Variants in THSD7B observed in about 807,000 individuals in gnomAD.
THSD7B encodes the protein thrombospondin type 1 domain containing 7B, also known as thrombospondin type-1 domain-containing protein 7B.
THSD7B carries 138 observed loss-of-function variants against 213.6 expected under a neutral mutation model. The ratio of observed to expected loss-of-function variants is 0.65; its 90% CI spans 0.56 to 0.74. The LOEUF is 0.74. Among genes scored for constraint, THSD7B ranks in the 30% least tolerant of loss-of-function variants. The probability of loss-of-function intolerance (pLI) is 0.00; values close to 1 mark genes in which losing one functional copy is unlikely to be tolerated. For synonymous variants in THSD7B, 742 were observed against 687.0 expected (o/e 1.08, Z -1.25); for missense variants, 1,931 against 1,991.5 (o/e 0.97, Z 0.58).
At chr2:137,342,825 G>A (rs1016149350) in intron 12 of THSD7B, among the ~76,000 whole-genome samples, 1 of 151,732 alleles carries the variant, frequency 6.6e-6, no homozygotes, top group Non-Finnish European at 1.5e-5. Flanking sequence ...TTAATGTAAT[G>A]TGTCATGTTT....
intron 3 of THSD7B, among the ~76,000 whole-genome samples, chr2:137,085,816 A>T (rs1422819735): frequency 1.3e-5 from 2 of 152,204 alleles, no homozygotes; most frequent in East Asian, 3.9e-4. Context: ...TGGCATAAAA[A>T]CCACAAACTA....
chr2:136,796,868 T>G (rs1319913104), intron 1 of THSD7B, among the ~76,000 whole-genome samples: 2 of 151,880 alleles, frequency 1.3e-5, no homozygotes, highest in African/African-American at 4.8e-5. Context: ...AACATAACTT[T>G]CTCTGCTTCT....
intron 7 of THSD7B, among the ~76,000 whole-genome samples, chr2:137,172,504 C>T (rs1274857204): frequency 6.6e-6 from 1 of 152,184 alleles, no homozygotes; most frequent in Non-Finnish European, 1.5e-5. Context: ...GGTGGCAGAT[C>T]CCAGCAAGGG....
intron 1 of THSD7B, among the ~76,000 whole-genome samples, chr2:136,789,131 T>G (rs537462739): frequency 6.6e-6 from 1 of 152,266 alleles, no homozygotes; most frequent in African/African-American, 2.4e-5. Context: ...TAAAGGGATA[T>G]TATTGCAAGG....
intron 2 of THSD7B, among the ~76,000 whole-genome samples, chr2:136,940,001 T>C (rs1684793829): frequency 1.3e-5 from 2 of 152,132 alleles, no homozygotes; most frequent in Admixed American, 1.3e-4. Flanking sequence ...AGCCAGGAAG[T>C]CCTTCCTTCT....
At position 136,915,725 on chromosome 2, in the gene THSD7B, G is replaced by A. The variant is rs1684338036; in HGVS notation, c.139+33408G>A. ...GGTTACACAGCAAGTAAGTGGCAGA[G>A]CCAAGGTGCCAAGGTTCAAACCCAC... On this transcript the variant is annotated intron_variant, in intron 2 of 27. Coordinates refer to ENST00000409968, the MANE Select transcript of THSD7B (RefSeq NM_001316349.2). Among the ~76,000 whole-genome samples, 4 of 152,208 alleles carry A rather than the reference G, an allele frequency of 2.6e-5. No homozygotes were observed. The South Asian group carries it at 6.2e-4, about 24-fold the overall frequency.
At chr2:137,626,813 T>C (rs1239622519) in intron 20 of THSD7B, among the ~76,000 whole-genome samples, 5 of 152,248 alleles carry the variant, frequency 3.3e-5, no homozygotes, top group African/African-American at 1.2e-4. Context: ...ATGGCCACAA[T>C]GCAACCAAGT....
At chr2:137,013,614 T>C (rs539626043) in intron 2 of THSD7B, among the ~76,000 whole-genome samples, 67 of 152,296 alleles carry the variant, frequency 4.4e-4, no homozygotes, top group Middle Eastern at 3.4e-3. Context: ...ATTCTACATA[T>C]AGCAAATGAA....
At chr2:137,013,828 A>T (rs1309329985) in intron 2 of THSD7B, among the ~76,000 whole-genome samples, 1 of 152,206 alleles carries the variant, frequency 6.6e-6, no homozygotes, top group South Asian at 2.1e-4. Flanking sequence ...CCTAGGAATT[A>T]GAAATTAAGA....
intron 15 of THSD7B, 55 bp downstream of exon 15, chr2:137,451,078 T>G: frequency 1.4e-6 from 2 of 1,432,062 alleles, no homozygotes; most frequent in Non-Finnish European, 1.8e-6. Context: ...TCATTATTAT[T>G]TCCCATTGAA....
At chr2:136,963,060 G>A (rs1453515951) in intron 2 of THSD7B, among the ~76,000 whole-genome samples, 1 of 152,142 alleles carries the variant, frequency 6.6e-6, no homozygotes, top group Non-Finnish European at 1.5e-5. Context: ...GCTGAAATAG[G>A]TCAAAATATT....
chr2:137,033,579 G>GT lies in THSD7B; in HGVS notation c.140-22834dup, dbSNP rs568208870. On this transcript the variant is annotated intron_variant, in intron 2 of 27. Coordinates refer to ENST00000409968, the MANE Select transcript of THSD7B (RefSeq NM_001316349.2). ...ATACAGGGAGGGTTGACTACTTGGA[G>GT]TTTTTTTCTTAGATATTATTTTTAT... Among the ~76,000 whole-genome samples the GT allele has an allele frequency of 6.5e-4, 98 of 151,776 alleles. 2 individuals are homozygous for GT. The highest frequency in any genetic ancestry group is 1.8e-3 in the African/African-American group (73 of 41,444).
chr2:136,889,929 G>C (rs1683785277), intron 2 of THSD7B, among the ~76,000 whole-genome samples: 1 of 152,130 alleles, frequency 6.6e-6, no homozygotes, highest in South Asian at 2.1e-4. Flanking sequence ...CTAAAATAGG[G>C]TGTACTGGAA....
chr2:137,331,773 C>A (rs547645401), intron 12 of THSD7B, among the ~76,000 whole-genome samples: 1 of 152,206 alleles, frequency 6.6e-6, no homozygotes, highest in Non-Finnish European at 1.5e-5. Context: ...AGCTAAGGCT[C>A]GGTGAGAAAT....
intron 12 of THSD7B, among the ~76,000 whole-genome samples, chr2:137,343,850 A>G (rs918684468): frequency 3.3e-5 from 5 of 151,940 alleles, no homozygotes; most frequent in Middle Eastern, 3.4e-3. Flanking sequence ...GCATAACTTC[A>G]TTCTTTTACA....
intron 12 of THSD7B, among the ~76,000 whole-genome samples, chr2:137,376,904 G>T (rs368584911): frequency 7.4e-4 from 112 of 152,236 alleles, no homozygotes; most frequent in Middle Eastern, 3.4e-3. Flanking sequence ...ATATCAGAAA[G>T]CATCTCATCG....
chr2:137,114,664 C>A (rs566535867), intron 4 of THSD7B, among the ~76,000 whole-genome samples: 37 of 152,296 alleles, frequency 2.4e-4, no homozygotes, highest in African/African-American at 8.9e-4. Flanking sequence ...TTGGAGATAG[C>A]TGTATGTAAA....
chr2:136,774,985 G>A (rs1045905491), intron 1 of THSD7B, among the ~76,000 whole-genome samples: 3 of 152,086 alleles, frequency 2.0e-5, no homozygotes, highest in African/African-American at 7.2e-5. Flanking sequence ...TGCTGTGTCC[G>A]TGACATAGAG....
chr2:136,871,933 C>T (rs1326552662), intron 1 of THSD7B, among the ~76,000 whole-genome samples: 1 of 152,184 alleles, frequency 6.6e-6, no homozygotes, highest in Non-Finnish European at 1.5e-5. Flanking sequence ...TGCAATTACT[C>T]TACTTCTCAT....
Sources: allele counts gnomAD v4.1 joint callset (sites outside exome capture counted in the v4.1 genomes callset), GRCh38; gene constraint gnomAD v4.1.1; transcripts MANE v1.5; gene names NCBI Gene and HGNC (gene_info 2026-07-23, HGNC 2026-07-21).